Variants in MEGF9 observed in about 807,000 individuals in gnomAD.
MEGF9 encodes the protein multiple EGF like domains 9.
MEGF9 carries 6 observed loss-of-function variants against 46.8 expected under a neutral mutation model. The observed-to-expected ratio is 0.13, with a 90% CI of 0.07 to 0.25. MEGF9 has a LOEUF of 0.25. MEGF9 is among the 10% of genes least tolerant of loss of function. MEGF9 has a pLI of 1.00. For missense variants in MEGF9, 683 were observed against 792.4 expected (o/e 0.86, Z 1.66); for synonymous variants, 302 against 330.7 (o/e 0.91, Z 0.94).
intron 1 of MEGF9, among the ~76,000 whole-genome samples, chr9:120,712,599 A>G (rs1175393511): frequency 6.6e-6 from 1 of 152,212 alleles, no homozygotes; most frequent in African/African-American, 2.4e-5. Flanking sequence ...AATCCTACTT[A>G]TGTCATTGCC....
At chr9:120,649,642 T>C (rs2043641141) in intron 2 of MEGF9, among the ~76,000 whole-genome samples, 1 of 152,342 alleles carries the variant, frequency 6.6e-6, no homozygotes. Context: ...TTTTCTTACA[T>C]ATATGTATAG....
intron 1 of MEGF9, among the ~76,000 whole-genome samples, chr9:120,691,156 G>A (rs2043846259): frequency 6.6e-6 from 1 of 151,942 alleles, no homozygotes; most frequent in African/African-American, 2.4e-5. Flanking sequence ...ATTTAACAAT[G>A]CCAGAAATAA....
intron 1 of MEGF9, among the ~76,000 whole-genome samples, chr9:120,707,432 C>T (rs189693201): frequency 1.3e-5 from 2 of 152,194 alleles, no homozygotes; most frequent in African/African-American, 2.4e-5. Context: ...TGTAAAGATA[C>T]GTGCAGTTTG....
intron 2 of MEGF9, among the ~76,000 whole-genome samples, chr9:120,649,169 T>C (rs905425102): frequency 6.6e-6 from 1 of 152,254 alleles, no homozygotes; most frequent in Admixed American, 6.5e-5. Context: ...TGTTGTACTG[T>C]TATTTTTAAT....
At chr9:120,676,079 T>C (rs937439822) in intron 1 of MEGF9, among the ~76,000 whole-genome samples, 49 of 152,114 alleles carry the variant, frequency 3.2e-4, no homozygotes, top group African/African-American at 1.2e-3. Context: ...CATTGTAATT[T>C]CCCCAGTAAT....
chr9:120,687,802 A>G (rs941806972), intron 1 of MEGF9, among the ~76,000 whole-genome samples: 2 of 151,124 alleles, frequency 1.3e-5, no homozygotes, highest in Non-Finnish European at 2.9e-5. Flanking sequence ...AAAAAAGAAC[A>G]CCAGGAGGCT....
At chr9:120,649,140 T>C (rs1249623704) in intron 2 of MEGF9, among the ~76,000 whole-genome samples, 1 of 152,250 alleles carries the variant, frequency 6.6e-6, no homozygotes, top group East Asian at 1.9e-4. Flanking sequence ...TACTGTTTTC[T>C]TAAATTTTCA....
intron 1 of MEGF9, among the ~76,000 whole-genome samples, chr9:120,699,724 T>TAA (rs60740438): frequency 4.3e-4 from 48 of 112,398 alleles, no homozygotes; most frequent in South Asian, 8.6e-4. Context: ...CCGTGTTTCT[T>TAA]AAAAAAAAAA....
At chr9:120,685,753 G>A (rs927862975) in intron 1 of MEGF9, among the ~76,000 whole-genome samples, 2 of 152,116 alleles carry the variant, frequency 1.3e-5, no homozygotes, top group Admixed American at 6.5e-5. Context: ...GCAATGCCTC[G>A]AAGAGATACT....
At chr9:120,611,097 T>C (rs2043442985) in intron 4 of MEGF9, among the ~76,000 whole-genome samples, 1 of 152,080 alleles carries the variant, frequency 6.6e-6, no homozygotes, top group Non-Finnish European at 1.5e-5. Context: ...ATAGTAAGTG[T>C]TGGTGAAGCT....
At chr9:120,636,236 C>G (rs941727809) in intron 2 of MEGF9, among the ~76,000 whole-genome samples, 1 of 152,148 alleles carries the variant, frequency 6.6e-6, no homozygotes, top group African/African-American at 2.4e-5. Flanking sequence ...CCGCGTCCAG[C>G]CTACCTCTTC....
intron 2 of MEGF9, among the ~76,000 whole-genome samples, chr9:120,652,179 CACAAA>C (rs1431103127): frequency 1.4e-3 from 12 of 8,704 alleles, no homozygotes; most frequent in African/African-American, 4.0e-3. Context: ...CACACACACA[CACAAA>C]AAAAAAAAAA....
chr9:120,691,713 C>A (rs776349703), intron 1 of MEGF9, among the ~76,000 whole-genome samples: 2 of 152,148 alleles, frequency 1.3e-5, no homozygotes, highest in Non-Finnish European at 1.5e-5. Flanking sequence ...TGTAGGCTGA[C>A]AGACAGGGAG....
At chr9:120,710,917 A>G (rs999537326) in intron 1 of MEGF9, among the ~76,000 whole-genome samples, 1 of 152,268 alleles carries the variant, frequency 6.6e-6, no homozygotes, top group African/African-American at 2.4e-5. Context: ...GAGTGAATTC[A>G]CAGAGAAGTA....
At chr9:120,685,869 T>C (rs369129240) in intron 1 of MEGF9, among the ~76,000 whole-genome samples, 28 of 152,274 alleles carry the variant, frequency 1.8e-4, no homozygotes, top group Admixed American at 5.9e-4. Context: ...CTATATACAA[T>C]GGAATATTAT....
chr9:120,648,817 A>G (rs2043636371), intron 2 of MEGF9, among the ~76,000 whole-genome samples: 1 of 152,214 alleles, frequency 6.6e-6, no homozygotes, highest in African/African-American at 2.4e-5. Context: ...AGAGCCCTAT[A>G]TGAATGTAAG....
intron 1 of MEGF9, among the ~76,000 whole-genome samples, chr9:120,675,467 C>T (rs893370500): frequency 1.4e-4 from 21 of 152,000 alleles, no homozygotes; most frequent in African/African-American, 4.6e-4. Flanking sequence ...GTGGCTCAGA[C>T]CTGTGGTTCC....
chr9:120,670,394 G>A (rs1219347035), intron 1 of MEGF9, among the ~76,000 whole-genome samples: 1 of 152,154 alleles, frequency 6.6e-6, no homozygotes, highest in Non-Finnish European at 1.5e-5. Flanking sequence ...ACCGTGCCCG[G>A]CCTCTAAAAG....
intron 2 of MEGF9, among the ~76,000 whole-genome samples, chr9:120,635,625 A>T (rs2043570864): frequency 1.3e-5 from 2 of 150,740 alleles, no homozygotes; most frequent in Non-Finnish European, 3.0e-5. Flanking sequence ...GTATTTTTTA[A>T]TTTAATTCAC....
Sources: allele counts gnomAD v4.1 joint callset (sites outside exome capture counted in the v4.1 genomes callset), GRCh38; gene constraint gnomAD v4.1.1; transcripts MANE v1.5; gene names NCBI Gene and HGNC (gene_info 2026-07-23, HGNC 2026-07-21).